The following RAB3C variants were observed in gnomAD, a reference collection of about 807,000 sequenced individuals.
The protein encoded by RAB3C is ras-related protein Rab-3C.
RAB3C carries 17 observed loss-of-function variants against 26.4 expected under a neutral mutation model. The ratio of observed to expected loss-of-function variants is 0.64; its 90% CI spans 0.44 to 0.97. RAB3C has a LOEUF of 0.97. RAB3C is among the 50% of genes least tolerant of loss of function. The pLI is 0.00. For synonymous variants in RAB3C, 91 were observed against 95.9 expected (o/e 0.95, Z 0.30); for missense variants, 242 against 281.9 (o/e 0.86, Z 1.01).
chr5:58,631,650 G>T (rs1747185894), intron 2 of RAB3C, among the ~76,000 whole-genome samples: 1 of 152,128 alleles, frequency 6.6e-6, no homozygotes, highest in Non-Finnish European at 1.5e-5. Flanking sequence ...GGGAGAAATG[G>T]ACTGATATAA....
rs977451141 is a variant in RAB3C, at chr5:58,822,985, T to C, written c.372-2053T>C. 1.3e-5 allele frequency: 8 copies of C among 618,496 alleles called. No homozygotes were observed. The Admixed American group carries it at 1.5e-4, about 11-fold the overall frequency. 38.3% of individuals were successfully genotyped at this position (618,496 alleles called of 1,614,324 possible). Reference sequence around the variant, plus strand: ...CCAGAACCATCACTGGCAATAAAGTTTTTGGGGCCTTGAAGGGAGCTGTTG... The same window carrying C: ...CCAGAACCATCACTGGCAATAAAGTCTTTGGGGCCTTGAAGGGAGCTGTTG... On this transcript the variant is annotated intron_variant, in intron 3 of 4. Coordinates refer to ENST00000282878, the MANE Select transcript of RAB3C (RefSeq NM_138453.4).
chr5:58,667,446 T>C (rs1748024404), intron 2 of RAB3C, among the ~76,000 whole-genome samples: 2 of 152,124 alleles, frequency 1.3e-5, no homozygotes, highest in South Asian at 4.1e-4. Context: ...CCTGAAAGCA[T>C]TAGGACAAAA....
intron 2 of RAB3C, among the ~76,000 whole-genome samples, chr5:58,660,437 C>G (rs158958): frequency 0.51 from 76,007 of 149,608 alleles, 20,824 homozygotes; most frequent in East Asian, 0.57. Context: ...CATGAGAGGA[C>G]GACGTAAATA....
At chr5:58,594,988 G>A (rs748524311) in intron 1 of RAB3C, among the ~76,000 whole-genome samples, 4 of 151,338 alleles carry the variant, frequency 2.6e-5, no homozygotes, top group African/African-American at 4.9e-5. Flanking sequence ...AGGTATTCTT[G>A]TAAGAGCTAT....
intron 3 of RAB3C, among the ~76,000 whole-genome samples, chr5:58,777,287 A>G (rs771587629): frequency 2.4e-4 from 36 of 151,876 alleles, no homozygotes; most frequent in Non-Finnish European, 4.4e-4. Flanking sequence ...CCCTCCTGCA[A>G]CTCACTGTAT....
chr5:58,635,477 A>G (rs938079615), intron 2 of RAB3C, among the ~76,000 whole-genome samples: 4 of 152,234 alleles, frequency 2.6e-5, no homozygotes, highest in Admixed American at 2.0e-4. Flanking sequence ...GGCACACAGA[A>G]TAGTTCCCTG....
At chr5:58,618,341 G>T (rs1160647794) in intron 2 of RAB3C, among the ~76,000 whole-genome samples, 1 of 152,170 alleles carries the variant, frequency 6.6e-6, no homozygotes, top group Non-Finnish European at 1.5e-5. Context: ...TGTAGGTTTA[G>T]ACCCTTCATA....
chr5:58,687,427 G>A (rs750009587), intron 2 of RAB3C, among the ~76,000 whole-genome samples: 1 of 151,938 alleles, frequency 6.6e-6, no homozygotes, highest in Non-Finnish European at 1.5e-5. Flanking sequence ...GATAGAATAG[G>A]GCTAAAAATG....
intron 4 of RAB3C, among the ~76,000 whole-genome samples, chr5:58,830,864 A>C (rs1470049350): frequency 1.5e-5 from 2 of 136,464 alleles, no homozygotes; most frequent in Non-Finnish European, 3.2e-5. Context: ...GACAATCTTG[A>C]GTCACGCAAT....
intron 3 of RAB3C, among the ~76,000 whole-genome samples, chr5:58,731,200 G>A (rs909086097): frequency 1.5e-4 from 23 of 152,086 alleles, no homozygotes; most frequent in Non-Finnish European, 3.2e-4. Flanking sequence ...AGATTATTTT[G>A]AGGAAATGGA....
At chr5:58,846,659 G>A (rs1745774587) in intron 4 of RAB3C, among the ~76,000 whole-genome samples, 1 of 152,028 alleles carries the variant, frequency 6.6e-6, no homozygotes, top group South Asian at 2.1e-4. Flanking sequence ...GATTACAGGT[G>A]TGAGCTATGG....
At chr5:58,703,806 A>C (rs1445110182) in intron 2 of RAB3C, among the ~76,000 whole-genome samples, 1 of 152,108 alleles carries the variant, frequency 6.6e-6, no homozygotes, top group Non-Finnish European at 1.5e-5. Flanking sequence ...ACTACACTAA[A>C]CTTATAAAAC....
rs1412501047 is a variant in RAB3C at position 58,856,427 on chromosome 5, A to G, written c.*5076A>G. 1 of 152,072 alleles carries G rather than the reference A, an allele frequency of 6.6e-6. No homozygotes were observed. The highest frequency in any genetic ancestry group is 2.4e-5 in the African/African-American group (1 of 41,402). 9.4% of individuals were successfully genotyped at this position (152,072 alleles called of 1,614,324 possible). A position where few individuals can be genotyped will look rare whatever the true frequency, so the allele number is the denominator to read the frequency against. ...CTTTTACTTTCTGACTTTCTTTTAA[A>G]TTACTGCAGTTTTTCAAAACACTAT... On this transcript the variant is annotated 3_prime_UTR_variant, in exon 5 of 5. Transcript: ENST00000282878.
intron 2 of RAB3C, among the ~76,000 whole-genome samples, chr5:58,643,624 C>T (rs1453146511): frequency 2.0e-5 from 3 of 151,816 alleles, no homozygotes; most frequent in East Asian, 1.9e-4. Flanking sequence ...TCCAGTGAGC[C>T]GAGATTGCAA....
At chr5:58,706,394 G>A (rs1411880368) in intron 2 of RAB3C, among the ~76,000 whole-genome samples, 1 of 152,056 alleles carries the variant, frequency 6.6e-6, no homozygotes, top group African/African-American at 2.4e-5. Context: ...GAAATTTATA[G>A]GATAGGAAAA....
chr5:58,628,406 C>T (rs72760270), intron 2 of RAB3C, among the ~76,000 whole-genome samples: 17,893 of 152,058 alleles, frequency 0.12, 1,346 homozygotes, highest in Non-Finnish European at 0.16. Flanking sequence ...GTCATTACCA[C>T]CCCCTTGGAC....
intron 3 of RAB3C, among the ~76,000 whole-genome samples, chr5:58,781,032 T>C (rs544899557): frequency 2.3e-3 from 357 of 152,204 alleles, no homozygotes; most frequent in African/African-American, 8.2e-3. Context: ...TGTGTTTTGT[T>C]TTTCCTGAAT....
chr5:58,649,154 C>T (rs1009280709), intron 2 of RAB3C, among the ~76,000 whole-genome samples: 3 of 152,106 alleles, frequency 2.0e-5, no homozygotes, highest in African/African-American at 4.8e-5. Flanking sequence ...TCTCAAGTCC[C>T]GCAATTGCTC....
chr5:58,768,909 T>C (rs116412160), intron 3 of RAB3C, among the ~76,000 whole-genome samples: 2,077 of 152,198 alleles, frequency 0.014, 23 homozygotes, highest in Middle Eastern at 0.071. Flanking sequence ...TATGTGGAGA[T>C]TAGATGGGGA....
Sources: gnomAD v4.1 joint callset for allele counts (sites outside exome capture counted in the v4.1 genomes callset) on GRCh38, gnomAD v4.1.1 for gene constraint, MANE v1.5 for transcripts, NCBI Gene and HGNC (gene_info 2026-07-23, HGNC 2026-07-21) for gene names.